The following PSORS1C1 variants were observed in gnomAD, a reference collection of about 807,000 sequenced individuals.
The protein encoded by PSORS1C1 is psoriasis susceptibility 1 candidate 1.
Under a neutral mutation model 9.4 loss-of-function variants are expected in PSORS1C1, and 7 were observed. That is an observed-to-expected ratio of 0.75 (90% confidence interval 0.42 to 1.40). The LOEUF (loss-of-function observed/expected upper bound fraction) is 1.40. Ranked by LOEUF, PSORS1C1 falls within the 40% of genes most tolerant of loss-of-function variation. PSORS1C1 has a pLI of 0.01. For synonymous variants in PSORS1C1, 63 were observed against 69.4 expected, an observed-to-expected ratio of 0.91 and a Z score of 0.46; for missense variants, 146 against 178.1, an observed-to-expected ratio of 0.82 and a Z score of 1.02.
chr6:31,139,756 G>C lies in PSORS1C1; in HGVS notation c.283G>C (p.Glu95Gln). ...TATCCTGGTTCCCTCTTCCCACCCA[G>C]AGCTGTTTGCATCAGTCCTGCCAAT... is the stretch of plus-strand genomic sequence containing the variant. The part of the protein sequence containing the change: ...EDILVPSSHP[E>Q]LFASVLPMAP... Residue 95 changes from glutamate (E) to glutamine (Q), a missense_variant, in exon 6 of 6, where the codon GAG becomes CAG. Coordinates refer to ENST00000259881, the MANE Select transcript of PSORS1C1 (RefSeq NM_014068.3). The surrounding 1 kb of genome is among the most constrained non-coding windows in gnomAD (Gnocchi z 5.2). The C allele has an allele frequency of 6.2e-7, 1 of 1,613,100 alleles. No individual in the cohort carries two copies. Among genetic ancestry groups the C allele is most frequent in the African/African-American group, 1.3e-5 (1 of 75,038 alleles).
chr6:31,134,002 G>T (rs145838713), intron 3 of PSORS1C1, among the ~76,000 whole-genome samples: 1 of 151,988 alleles, frequency 6.6e-6, no homozygotes, highest in Non-Finnish European at 1.5e-5. Context: ...TTTCTGAGAT[G>T]GGGTCTTGCT....
At chr6:31,119,241 G>A (rs940710404) in intron 1 of PSORS1C1, among the ~76,000 whole-genome samples, 14 of 152,230 alleles carry the variant, frequency 9.2e-5, no homozygotes, top group South Asian at 2.1e-4. Context: ...CCTCTGTGAT[G>A]TCCCTGTTCT....
chr6:31,117,408 A>T, intron 1 of PSORS1C1: 1 of 1,566,122 alleles, frequency 6.4e-7, no homozygotes. Context: ...TGCTGGAGCC[A>T]CTGTAGCTAC....
intron 3 of PSORS1C1, among the ~76,000 whole-genome samples, chr6:31,133,292 G>T (rs1773000839): frequency 6.6e-6 from 1 of 152,150 alleles, no homozygotes; most frequent in Admixed American, 6.5e-5. Context: ...GGTCGGGTGG[G>T]GTGCGGGAAG....
Position 31,139,544 on chromosome 6 carries a change from C to G in PSORS1C1, c.168-97C>G, listed in dbSNP as rs573034372. ...CTACCCCAGCCTCCCCACTCACCCC[C>G]GCACTGAAAGCTCCCCCTGGGGCTT... is the stretch of plus-strand genomic sequence containing the variant. On this transcript the variant is annotated intron_variant, in intron 5 of 5. Coordinates refer to ENST00000259881, the MANE Select transcript of PSORS1C1 (RefSeq NM_014068.3). The surrounding 1 kb of genome is among the most constrained non-coding windows in gnomAD (Gnocchi z 5.2). The G allele has an allele frequency of 2.4e-6, 3 of 1,241,594 alleles. No homozygotes were observed. Among genetic ancestry groups the G allele is most frequent in the Admixed American group, 2.0e-5 (1 of 49,510 alleles). 76.9% of individuals were successfully genotyped at this position (1,241,594 alleles called of 1,614,324 possible).
intron 3 of PSORS1C1, chr6:31,137,916 A>G: frequency 9.0e-7 from 1 of 1,114,312 alleles, no homozygotes; most frequent in Non-Finnish European, 1.2e-6. Context: ...GGGTGCCTGG[A>G]GATGCCTGGG....
At position 31,139,623 on chromosome 6, in the gene PSORS1C1, C is replaced by G; in HGVS notation, c.168-18C>G. ...CATGGGATCCAGGCATCCTGCTCTC[C>G]ACCATGTCCTTCTTCAGGCATGCAG... On this transcript the variant is annotated intron_variant, in intron 5 of 5. Coordinates refer to ENST00000259881, the MANE Select transcript of PSORS1C1 (RefSeq NM_014068.3). The surrounding 1 kb of genome is among the most constrained non-coding windows in gnomAD (Gnocchi z 5.2). 6.3e-7 allele frequency: 1 copy of G among 1,593,946 alleles called. No homozygotes were observed. Among genetic ancestry groups the G allele is most frequent in the Non-Finnish European group, 8.5e-7 (1 of 1,169,698 alleles).
intron 2 of PSORS1C1, among the ~76,000 whole-genome samples, chr6:31,127,161 G>A (rs1038663239): frequency 8.5e-5 from 13 of 152,140 alleles, no homozygotes; most frequent in African/African-American, 2.2e-4. Flanking sequence ...ACGTGCTCTC[G>A]GGAGAGGAGA....
rs1189725250 is a variant in PSORS1C1, at chr6:31,117,546, T to C, written c.-229+2655T>C. On this transcript the variant is annotated intron_variant, in intron 1 of 5. Transcript: ENST00000259881. ...CCAAGGTCCCTGTGGAGGAAAGCAGTGGTTAGTAAGGGCCAAGGAGGCTTG... is the reference window on the plus strand; with the variant it reads ...CCAAGGTCCCTGTGGAGGAAAGCAGCGGTTAGTAAGGGCCAAGGAGGCTTG... 20 of 1,548,688 alleles carry C rather than the reference T, an allele frequency of 1.3e-5. No individual in the cohort carries two copies. The Admixed American group carries it at 3.7e-4, about 29-fold the overall frequency.
intron 1 of PSORS1C1, chr6:31,116,452 TTGGAGCCCG>T (rs1562751149): frequency 1.3e-6 from 2 of 1,592,284 alleles, no homozygotes; most frequent in South Asian, 2.3e-5. Flanking sequence ...GCAGGGTCCC[TTGGAGCCCG>T]TGGAGCCGCC....
chr6:31,117,864 C>T (rs3130987), intron 1 of PSORS1C1: 191,536 of 339,124 alleles, frequency 0.56, 55,787 homozygotes, highest in East Asian at 0.71. Context: ...TTTGGGAGGC[C>T]GAGGTGGGAG....
intron 3 of PSORS1C1, chr6:31,137,973 G>A (rs1405547167): frequency 1.3e-6 from 2 of 1,499,998 alleles, no homozygotes; most frequent in East Asian, 4.6e-5. Flanking sequence ...TTCCCGGGGT[G>A]GGTCTAGGTC....
At chr6:31,118,213 G>C (rs1346763663) in intron 1 of PSORS1C1, 1 of 152,634 alleles carries the variant, frequency 6.6e-6, no homozygotes, top group African/African-American at 2.4e-5. Context: ...TGAAATAAAG[G>C]AAAGGGCACT....
At chr6:31,120,335 C>T in intron 1 of PSORS1C1, 1 of 1,577,524 alleles carries the variant, frequency 6.3e-7, no homozygotes, top group Non-Finnish European at 8.6e-7. Context: ...AGCCTCCTAC[C>T]TGGCAGGAGG....
At chr6:31,126,865 C>A (rs554451450) in intron 2 of PSORS1C1, among the ~76,000 whole-genome samples, 1 of 152,316 alleles carries the variant, frequency 6.6e-6, no homozygotes, top group African/African-American at 2.4e-5. Flanking sequence ...TGGCCGAAGC[C>A]TTCCTGGCTG....
chr6:31,124,319 G>A (rs1772589061), intron 1 of PSORS1C1, among the ~76,000 whole-genome samples: 1 of 152,156 alleles, frequency 6.6e-6, no homozygotes, highest in East Asian at 1.9e-4. Flanking sequence ...GATCCACCAT[G>A]TACTGACTGC....
At position 31,115,980 on chromosome 6, in the gene PSORS1C1, T is replaced by C; in HGVS notation, c.-229+1089T>C. On this transcript the variant is annotated intron_variant, in intron 1 of 5. Transcript: ENST00000259881. The surrounding 1 kb of genome is among the most constrained non-coding windows in gnomAD (Gnocchi z 4.2). ...TCTCCCATATGGGATATAGTGTATG[T>C]GCTTGTTTGTGCCCAAGGCATGCAC... 1 of 1,535,754 alleles carries C rather than the reference T, an allele frequency of 6.5e-7. No individual in the cohort carries two copies. The highest frequency in any genetic ancestry group is 2.3e-5 in the East Asian group (1 of 44,314).
intron 3 of PSORS1C1, chr6:31,138,100 T>C: frequency 6.2e-7 from 1 of 1,600,458 alleles, no homozygotes. Flanking sequence ...GGATCCGTTC[T>C]AGGCGGTTCA....
At chr6:31,125,512 G>C (rs1170480998) in intron 1 of PSORS1C1, among the ~76,000 whole-genome samples, 164 bp from the exon 2 acceptor site, 3 of 152,148 alleles carry the variant, frequency 2.0e-5, no homozygotes, top group Non-Finnish European at 2.9e-5. Flanking sequence ...AGAAGGAGAG[G>C]GCACATCCCC....
Sources: allele counts gnomAD v4.1 joint callset (sites outside exome capture counted in the v4.1 genomes callset), GRCh38; gene constraint gnomAD v4.1.1; non-coding constraint Gnocchi (gnomAD v3.1); transcripts MANE v1.5; gene names NCBI Gene and HGNC (gene_info 2026-07-23, HGNC 2026-07-21).